Variants in FMN1 observed in about 807,000 individuals in gnomAD.
FMN1 encodes the protein formin-1.
FMN1 carries 110 observed loss-of-function variants against 132.4 expected under a neutral mutation model. That is an observed-to-expected ratio of 0.83 (90% CI 0.71 to 0.97). The LOEUF is 0.97. Among genes scored for constraint, FMN1 ranks in the 50% least tolerant of loss-of-function variants. FMN1 has a pLI of 0.00. For missense variants in FMN1, 1,792 were observed against 1,705.3 expected, an observed-to-expected ratio of 1.05 and a Z score of -0.90; for synonymous variants, 722 against 651.7, an observed-to-expected ratio of 1.11 and a Z score of -1.64.
At chr15:32,976,778 T>C (rs968850470) in intron 7 of FMN1, among the ~76,000 whole-genome samples, 1 of 152,114 alleles carries the variant, frequency 6.6e-6, no homozygotes, top group Non-Finnish European at 1.5e-5. Flanking sequence ...TAAAACCCAA[T>C]GAATGCAATG....
intron 6 of FMN1, among the ~76,000 whole-genome samples, chr15:33,026,519 A>C (rs1445736437): frequency 6.6e-6 from 1 of 152,106 alleles, no homozygotes; most frequent in African/African-American, 2.4e-5. Context: ...ACACTCAAAC[A>C]ATATATAAAG....
chr15:33,128,452 T>G (rs1274693414), intron 4 of FMN1, among the ~76,000 whole-genome samples: 1 of 152,196 alleles, frequency 6.6e-6, no homozygotes, highest in Admixed American at 6.5e-5. Context: ...TTTTTATTCC[T>G]ATGACATTGC....
chr15:32,873,871 G>C (rs896203634), intron 16 of FMN1, among the ~76,000 whole-genome samples: 9 of 152,078 alleles, frequency 5.9e-5, no homozygotes, highest in Non-Finnish European at 7.3e-5. Flanking sequence ...ATTTGTCTCT[G>C]TCTTTGGGAT....
At chr15:33,019,529 G>A (rs980622578) in intron 6 of FMN1, among the ~76,000 whole-genome samples, 1 of 152,176 alleles carries the variant, frequency 6.6e-6, no homozygotes, top group African/African-American at 2.4e-5. Flanking sequence ...CCCTGGAGTA[G>A]GGGGCGGCGC....
intron 3 of FMN1, among the ~76,000 whole-genome samples, chr15:33,176,390 C>A (rs1595602785): frequency 6.6e-6 from 1 of 151,908 alleles, no homozygotes; most frequent in East Asian, 1.9e-4. Flanking sequence ...CCTATAGTCC[C>A]AGCTACTTGG....
chr15:32,813,755 A>C (rs2057966002), intron 17 of FMN1, among the ~76,000 whole-genome samples: 1 of 152,178 alleles, frequency 6.6e-6, no homozygotes, highest in Non-Finnish European at 1.5e-5. Flanking sequence ...TTTAATCTCA[A>C]CGTGGAGAAA....
chr15:32,917,688 G>C (rs1441269068), intron 10 of FMN1, among the ~76,000 whole-genome samples: 2 of 152,142 alleles, frequency 1.3e-5, no homozygotes, highest in Non-Finnish European at 2.9e-5. Context: ...CAAGGCAGTG[G>C]TAATTTACTG....
intron 3 of FMN1, among the ~76,000 whole-genome samples, chr15:33,158,216 A>G (rs1964753607): frequency 6.6e-6 from 1 of 152,120 alleles, no homozygotes; most frequent in South Asian, 2.1e-4. Flanking sequence ...TAAAGGCTAT[A>G]TCCTTTATGA....
chr15:32,961,374 T>G (rs2030526218), intron 9 of FMN1, among the ~76,000 whole-genome samples: 1 of 152,046 alleles, frequency 6.6e-6, no homozygotes, highest in Non-Finnish European at 1.5e-5. Context: ...CCTCAGCTGA[T>G]TCACCCACCT....
At chr15:32,784,414 AAAAAC>A (rs143041498) in intron 19 of FMN1, among the ~76,000 whole-genome samples, 145,193 of 150,292 alleles carry the variant, frequency 0.97, 70,326 homozygotes, top group South Asian at 1. Context: ...TCCTAGGGGG[AAAAAC>A]AAAACAAAAC....
chr15:32,823,194 C>T (rs1222950472), intron 17 of FMN1, among the ~76,000 whole-genome samples: 1 of 121,434 alleles, frequency 8.2e-6, no homozygotes, highest in Non-Finnish European at 1.6e-5. Context: ...CAGAGTCTTG[C>T]TCTATCACCC....
In FMN1 at chr15:32,906,765, T is replaced by A. The variant is rs181541909; in HGVS notation, c.3377+1725A>T. Among the ~76,000 whole-genome samples, 182 of 152,282 alleles carry A rather than the reference T, an allele frequency of 1.2e-3. 1 individual carries two copies. The highest frequency in any genetic ancestry group is 4.0e-3 in the African/African-American group (167 of 41,546). On this transcript the variant is annotated intron_variant, in intron 12 of 20. Coordinates refer to ENST00000616417, the MANE Select transcript of FMN1 (RefSeq NM_001277313.2). ...ACTTGGAAATAAACTATAGGATCAG[T>A]TGAGGGTAGGGATTGGTAAGGAAGG...
intron 10 of FMN1, among the ~76,000 whole-genome samples, chr15:32,920,528 T>A (rs2060795415): frequency 6.6e-6 from 1 of 152,232 alleles, no homozygotes; most frequent in Non-Finnish European, 1.5e-5. Flanking sequence ...AGGTTACTTT[T>A]GGGAGTATGT....
chr15:33,088,926 G>C lies in FMN1; in HGVS notation c.1916C>G (p.Pro639Arg). Residue 639 changes from proline to arginine, a missense_variant, in exon 5 of 21, where the codon CCT becomes CGT. By Grantham distance (103) the Pro-to-Arg change is moderately radical. Coordinates refer to ENST00000616417, the MANE Select transcript of FMN1 (RefSeq NM_001277313.2). ...FPWDGFNEQT[P>R]KDLPNRDGGA... ...TCCATCTCTGTTGGGAAGGTCTTTA[G>C]GTGTCTGCTCATTGAAGCCGTCCCA... The C allele has an allele frequency of 6.5e-7, 1 of 1,535,926 alleles. No individual in the cohort carries two copies. The highest frequency in any genetic ancestry group is 8.7e-7 in the Non-Finnish European group (1 of 1,146,840).
chr15:32,849,449 G>C (rs1232609402), intron 17 of FMN1, among the ~76,000 whole-genome samples: 4 of 151,402 alleles, frequency 2.6e-5, no homozygotes, highest in African/African-American at 9.8e-5. Context: ...GATCCTCCAG[G>C]TCAATACATA....
chr15:33,026,410 T>TCA (rs71113496), intron 6 of FMN1, among the ~76,000 whole-genome samples: 11,317 of 140,100 alleles, frequency 0.081, 636 homozygotes, highest in African/African-American at 0.15. Context: ...GTCCAAATTT[T>TCA]CACACACACA....
chr15:33,020,942 CTCTT>C (rs1400390960), intron 6 of FMN1, among the ~76,000 whole-genome samples: 1 of 152,158 alleles, frequency 6.6e-6, no homozygotes, highest in Non-Finnish European at 1.5e-5. Context: ...CTGCTTTCAC[CTCTT>C]TCTTTTTGGG....
rs1365236425 is a variant in FMN1 at position 32,767,903 on chromosome 15, A to G, written c.*6407T>C. On this transcript the variant is annotated 3_prime_UTR_variant, in exon 21 of 21. Transcript: ENST00000616417. Reference sequence around the variant, plus strand: ...AAGCCTTCCAAATATTATGCAGAACACAATCTCAGTGGCGCTGAGCTACCT... The same window carrying G: ...AAGCCTTCCAAATATTATGCAGAACGCAATCTCAGTGGCGCTGAGCTACCT... 1 of 152,196 alleles carries G rather than the reference A, an allele frequency of 6.6e-6. No individual in the cohort carries two copies. The highest frequency in any genetic ancestry group is 1.5e-5 in the Non-Finnish European group (1 of 68,026). The allele number at this position is 152,196 out of a possible 1,614,324, so 9.4% of individuals were successfully genotyped here. A position where few individuals can be genotyped will look rare whatever the true frequency, so the allele number is the denominator to read the frequency against.
intron 17 of FMN1, among the ~76,000 whole-genome samples, chr15:32,855,157 T>TA (rs750275479): frequency 0.09 from 7,679 of 85,062 alleles, 470 homozygotes; most frequent in African/African-American, 0.17. Flanking sequence ...ACGTGGAGAG[T>TA]AAAAAAAAAA....
Sources: gnomAD v4.1 joint callset for allele counts (sites outside exome capture counted in the v4.1 genomes callset) on GRCh38, gnomAD v4.1.1 for gene constraint, MANE v1.5 for transcripts, NCBI Gene and HGNC (gene_info 2026-07-23, HGNC 2026-07-21) for gene names.